SUGCT: variants seen among roughly 807,000 people sequenced by gnomAD.
SUGCT encodes the protein succinyl-CoA:glutarate CoA-transferase.
In SUGCT, 41 loss-of-function variants were observed where a neutral mutation model predicts 55.0. The observed-to-expected ratio is 0.74, with a 90% CI of 0.58 to 0.97. SUGCT has a LOEUF of 0.97. SUGCT is among the 50% of genes least tolerant of loss of function. The pLI is 0.00. For missense variants in SUGCT, 568 were observed against 547.8 expected (o/e 1.04, Z -0.37); for synonymous variants, 187 against 200.4 (o/e 0.93, Z 0.56).
chr7:40,411,797 A>T (rs1219714831), intron 9 of SUGCT, among the ~76,000 whole-genome samples: 2 of 152,204 alleles, frequency 1.3e-5, no homozygotes, highest in East Asian at 3.9e-4. Flanking sequence ...CATACAGTAG[A>T]TACATATTTA....
chr7:40,148,653 AC>A (rs1347901033), intron 1 of SUGCT, among the ~76,000 whole-genome samples: 46 of 152,242 alleles, frequency 3.0e-4, no homozygotes, highest in Admixed American at 2.9e-3. Context: ...TCAAAACAAA[AC>A]AAAAAACAAA....
At chr7:40,171,956 G>T (rs757636631) in intron 1 of SUGCT, among the ~76,000 whole-genome samples, 2 of 152,128 alleles carry the variant, frequency 1.3e-5, no homozygotes, top group Non-Finnish European at 2.9e-5. Context: ...TTAACTACTT[G>T]TGTATCTCTC....
At chr7:40,254,815 TA>T (rs897896668) in intron 7 of SUGCT, among the ~76,000 whole-genome samples, 15 of 151,966 alleles carry the variant, frequency 9.9e-5, no homozygotes, top group Admixed American at 4.6e-4. Context: ...CCTTTTTTTA[TA>T]AAAAAAATTT....
intron 9 of SUGCT, among the ~76,000 whole-genome samples, chr7:40,445,983 GTTTTAAAGGA>G (rs1788810265): frequency 6.6e-6 from 1 of 151,940 alleles, no homozygotes; most frequent in Admixed American, 6.6e-5. Context: ...TTACTGGTTT[GTTTTAAAGGA>G]TATTAACAAG....
intron 9 of SUGCT, among the ~76,000 whole-genome samples, chr7:40,394,170 C>T (rs1009731306): frequency 3.3e-5 from 5 of 151,142 alleles, no homozygotes; most frequent in Admixed American, 1.3e-4. Context: ...TGTTACTTGT[C>T]GAACTTAAAA....
intron 7 of SUGCT, among the ~76,000 whole-genome samples, chr7:40,257,340 TG>T (rs1790877978): frequency 6.6e-6 from 1 of 152,232 alleles, no homozygotes; most frequent in Admixed American, 6.5e-5. Flanking sequence ...TGTTCATTTT[TG>T]TTTCATGTTA....
the SUGCT span, among the ~76,000 whole-genome samples, chr7:40,997,662 T>C: frequency 8.5e-5 from 13 of 152,324 alleles, no homozygotes; most frequent in Non-Finnish European, 1.9e-4. Flanking sequence ...GGTTCAAACA[T>C]ATCTTCTTAC....
intron 13 of SUGCT, among the ~76,000 whole-genome samples, chr7:40,856,742 A>C (rs1242305883): frequency 6.6e-6 from 1 of 152,176 alleles, no homozygotes; most frequent in African/African-American, 2.4e-5. Flanking sequence ...ATAGGAAAAA[A>C]TTTTTAAAGT....
chr7:40,173,395 C>T (rs1382073162), intron 1 of SUGCT, among the ~76,000 whole-genome samples: 1 of 152,176 alleles, frequency 6.6e-6, no homozygotes, highest in Non-Finnish European at 1.5e-5. Context: ...GGACAGCAAG[C>T]GAAAGCTCAG....
Position 40,262,857 on chromosome 7 carries a change from G to A in SUGCT, c.577-11656G>A, listed in dbSNP as rs140237724. On this transcript the variant is annotated intron_variant, in intron 7 of 13. Transcript: ENST00000335693. ...GTAGCAAAAAGAACAGAAGCTTTTG[G>A]ATCAGAATTCCTGAGTTCTAGTTGT... is the stretch of plus-strand genomic sequence containing the variant. 1.7e-4 allele frequency among the ~76,000 whole-genome samples: 26 copies of A among 152,292 alleles called. No homozygotes were observed. In the East Asian group the frequency reaches 4.8e-3, roughly 28 times the overall value.
intron 12 of SUGCT, chr7:40,538,151 T>G (rs1051275527): frequency 6.6e-6 from 1 of 152,234 alleles, no homozygotes; most frequent in Non-Finnish European, 1.5e-5. Flanking sequence ...TCCAGTTTTA[T>G]TGCTATGATT....
At chr7:40,976,435 A>G in the SUGCT span, among the ~76,000 whole-genome samples, 2 of 152,232 alleles carry the variant, frequency 1.3e-5, no homozygotes, top group African/African-American at 2.4e-5. Flanking sequence ...GTATATTCTG[A>G]CATGACTGAA....
At chr7:40,366,982 A>G (rs1374117043) in intron 9 of SUGCT, among the ~76,000 whole-genome samples, 1 of 152,168 alleles carries the variant, frequency 6.6e-6, no homozygotes, top group Non-Finnish European at 1.5e-5. Context: ...TTATTGCGGC[A>G]CTATTCACAG....
At chr7:40,808,315 C>T (rs1223014535) in intron 13 of SUGCT, 1 of 152,210 alleles carries the variant, frequency 6.6e-6, no homozygotes, top group African/African-American at 2.4e-5. Flanking sequence ...GCAGCGGAAG[C>T]CTGGACAGTC....
intron 13 of SUGCT, among the ~76,000 whole-genome samples, chr7:40,813,086 T>C (rs1403195582): frequency 1.3e-5 from 2 of 152,186 alleles, no homozygotes; most frequent in African/African-American, 4.8e-5. Flanking sequence ...GTTGGTTTGA[T>C]TTTGATTTTT....
At chr7:40,599,812 C>G (rs1798201659) in intron 12 of SUGCT, among the ~76,000 whole-genome samples, 1 of 152,124 alleles carries the variant, frequency 6.6e-6, no homozygotes, top group Non-Finnish European at 1.5e-5. Context: ...GAGTCCAAAT[C>G]CCAGGAAGTC....
chr7:40,863,004 T>A (rs1291892029), downstream of SUGCT, among the ~76,000 whole-genome samples: 2 of 146,422 alleles, frequency 1.4e-5, no homozygotes, highest in African/African-American at 4.8e-5. Context: ...TTTGGGAGGC[T>A]GAGGCACCTG....
chr7:40,781,922 G>T (rs925209730), intron 13 of SUGCT, among the ~76,000 whole-genome samples: 2 of 152,052 alleles, frequency 1.3e-5, no homozygotes, highest in African/African-American at 2.4e-5. Context: ...ATAATTGATA[G>T]TATGAGACGT....
chr7:40,331,910 T>G (rs1418766191), intron 9 of SUGCT, among the ~76,000 whole-genome samples: 1 of 152,208 alleles, frequency 6.6e-6, no homozygotes, highest in African/African-American at 2.4e-5. Context: ...GTGTTGTTAG[T>G]ATAGCCATCT....
Sources: gnomAD v4.1 joint callset for allele counts (sites outside exome capture counted in the v4.1 genomes callset) on GRCh38, gnomAD v4.1.1 for gene constraint, MANE v1.5 for transcripts, NCBI Gene and HGNC (gene_info 2026-07-23, HGNC 2026-07-21) for gene names.